KIF26B: variants seen among roughly 807,000 people sequenced by gnomAD.
KIF26B encodes kinesin family member 26B, also known as kinesin-like protein KIF26B.
KIF26B carries 63 observed loss-of-function variants against 151.2 expected under a neutral mutation model. The ratio of observed to expected loss-of-function variants is 0.42; its 90% CI spans 0.34 to 0.51. The LOEUF (loss-of-function observed/expected upper bound fraction) is 0.51. Among genes scored for constraint, KIF26B ranks in the 20% least tolerant of loss-of-function variants. The pLI is 0.07. For missense variants in KIF26B, 2,813 were observed against 2,913.6 expected (o/e 0.97, Z 0.79); for synonymous variants, 1,357 against 1,262.1 (o/e 1.08, Z -1.59).
chr1:245,267,708 C>G (rs924686786), intron 2 of KIF26B, among the ~76,000 whole-genome samples: 5 of 149,110 alleles, frequency 3.4e-5, no homozygotes, highest in Non-Finnish European at 5.9e-5. Flanking sequence ...GATAAAGAAG[C>G]AAGAATTCCA....
intron 2 of KIF26B, among the ~76,000 whole-genome samples, chr1:245,242,714 T>C (rs1176874466): frequency 6.6e-6 from 1 of 152,136 alleles, no homozygotes; most frequent in Non-Finnish European, 1.5e-5. Flanking sequence ...TGGAGTGGCG[T>C]GATCTCGGCT....
At chr1:245,324,920 T>A (rs990679106) in intron 2 of KIF26B, among the ~76,000 whole-genome samples, 3 of 150,996 alleles carry the variant, frequency 2.0e-5, no homozygotes, top group Admixed American at 2.0e-4. Context: ...CATGGTGAAA[T>A]CCCGTCTCTA....
intron 10 of KIF26B, among the ~76,000 whole-genome samples, chr1:245,671,894 G>A (rs143090638): frequency 3.6e-3 from 546 of 152,336 alleles, no homozygotes; most frequent in African/African-American, 0.012. Context: ...TGTTCAGGGC[G>A]TAGTGAATAG....
At chr1:245,452,534 G>T (rs1659421134) in intron 4 of KIF26B, among the ~76,000 whole-genome samples, 1 of 152,072 alleles carries the variant, frequency 6.6e-6, no homozygotes, top group South Asian at 2.1e-4. Flanking sequence ...TTCCACAGCG[G>T]CTGCCCATTT....
intron 2 of KIF26B, among the ~76,000 whole-genome samples, chr1:245,356,515 C>G (rs1397956360): frequency 2.6e-5 from 4 of 152,000 alleles, no homozygotes; most frequent in African/African-American, 9.7e-5. Context: ...CGAGATTGCA[C>G]CATTGTACTC....
At chr1:245,403,865 A>T (rs549772665) in intron 3 of KIF26B, among the ~76,000 whole-genome samples, 48 of 152,298 alleles carry the variant, frequency 3.2e-4, no homozygotes, top group African/African-American at 1.1e-3. Flanking sequence ...CATGGAACTG[A>T]CCTTTCATAA....
chr1:245,168,997 A>G (rs1668660094), intron 2 of KIF26B, among the ~76,000 whole-genome samples: 1 of 152,206 alleles, frequency 6.6e-6, no homozygotes, highest in Non-Finnish European at 1.5e-5. Flanking sequence ...TTGAGTCTAA[A>G]CACAATTCAG....
chr1:245,273,011 T>C (rs1400744323), intron 2 of KIF26B, among the ~76,000 whole-genome samples: 1 of 152,194 alleles, frequency 6.6e-6, no homozygotes, highest in Non-Finnish European at 1.5e-5. Flanking sequence ...GGTGAAATGT[T>C]TTATAAATGT....
At chr1:245,258,913 G>A (rs1490400704) in intron 2 of KIF26B, among the ~76,000 whole-genome samples, 7 of 152,164 alleles carry the variant, frequency 4.6e-5, no homozygotes, top group Non-Finnish European at 1.0e-4. Context: ...TGCAGTGTGT[G>A]GCATGCTGAT....
At chr1:245,537,299 A>G (rs906918482) in intron 4 of KIF26B, among the ~76,000 whole-genome samples, 4 of 152,206 alleles carry the variant, frequency 2.6e-5, no homozygotes. Context: ...CTGGAGCAGA[A>G]TCATCAAAGA....
intron 4 of KIF26B, among the ~76,000 whole-genome samples, chr1:245,429,863 C>G (rs1211192612): frequency 6.6e-6 from 1 of 152,180 alleles, no homozygotes; most frequent in African/African-American, 2.4e-5. Flanking sequence ...GATCTGCCCA[C>G]CTTGGCCTCC....
intron 3 of KIF26B, among the ~76,000 whole-genome samples, chr1:245,390,175 GT>G (rs61383926): frequency 0.14 from 19,983 of 146,908 alleles, 1,958 homozygotes; most frequent in East Asian, 0.3. Context: ...TATTTGGAGG[GT>G]TTTTTTTTTT....
At chr1:245,384,169 CT>C (rs938491512) in intron 3 of KIF26B, among the ~76,000 whole-genome samples, 5 of 152,142 alleles carry the variant, frequency 3.3e-5, no homozygotes, top group African/African-American at 1.2e-4. Flanking sequence ...TGTGCTCCGG[CT>C]TTACGAGGCT....
chr1:245,346,107 T>TTG (rs1553349129), intron 2 of KIF26B, among the ~76,000 whole-genome samples: 1 of 151,630 alleles, frequency 6.6e-6, no homozygotes, highest in East Asian at 1.9e-4. Flanking sequence ...TAATTTTTTT[T>TTG]TGTGTGTGTG....
At chr1:245,401,878 CAAACAAACAAAG>C (rs1308699432) in intron 3 of KIF26B, among the ~76,000 whole-genome samples, 3 of 114,808 alleles carry the variant, frequency 2.6e-5, no homozygotes, top group African/African-American at 1.3e-4. Flanking sequence ...TCCAAACAAA[CAAACAAACAAAG>C]AAACACACAC....
At chr1:245,209,425 TAAAAA>T (rs910380472) in intron 2 of KIF26B, among the ~76,000 whole-genome samples, 4 of 148,848 alleles carry the variant, frequency 2.7e-5, no homozygotes, top group Middle Eastern at 3.4e-3. Context: ...AGAAAAAAAA[TAAAAA>T]AAGAAAACAT....
At chr1:245,462,564 T>C (rs1659674248) in intron 4 of KIF26B, among the ~76,000 whole-genome samples, 1 of 152,164 alleles carries the variant, frequency 6.6e-6, no homozygotes, top group Non-Finnish European at 1.5e-5. Flanking sequence ...CAGCAATGGA[T>C]TCCTTTAGTA....
intron 9 of KIF26B, among the ~76,000 whole-genome samples, chr1:245,621,343 T>G (rs374843209): frequency 1.3e-5 from 2 of 152,224 alleles, no homozygotes; most frequent in Non-Finnish European, 2.9e-5. Context: ...TTTCCTTATA[T>G]GTAAAATGGG....
chr1:245,349,564 A>T (rs1672524870), intron 2 of KIF26B, among the ~76,000 whole-genome samples: 1 of 137,882 alleles, frequency 7.3e-6, no homozygotes, highest in Non-Finnish European at 1.5e-5. Flanking sequence ...AACTTCAAAA[A>T]AAAAAAAAAA....
Sources: allele counts gnomAD v4.1 joint callset (sites outside exome capture counted in the v4.1 genomes callset), GRCh38; gene constraint gnomAD v4.1.1; transcripts MANE v1.5; gene names NCBI Gene and HGNC (gene_info 2026-07-23, HGNC 2026-07-21).